TRIM14: variants seen among roughly 807,000 people sequenced by gnomAD.
The protein encoded by TRIM14 is tripartite motif-containing protein 14.
A neutral mutation model predicts 44.5 loss-of-function variants in TRIM14; 28 were observed. That is an observed-to-expected ratio of 0.63 (90% CI 0.47 to 0.86). The LOEUF (loss-of-function observed/expected upper bound fraction) is 0.86. Ranked by LOEUF, TRIM14 falls within the 40% of genes least tolerant of loss-of-function variation. The pLI, the probability that TRIM14 is intolerant of heterozygous loss-of-function variation, is 0.00. For synonymous variants in TRIM14, 299 were observed against 269.2 expected, an observed-to-expected ratio of 1.11 and a Z score of -1.08; for missense variants, 607 against 611.1, an observed-to-expected ratio of 0.99 and a Z score of 0.07.
At chr9:98,061,799 A>C in the TRIM14 span, among the ~76,000 whole-genome samples, 1 of 150,306 alleles carries the variant, frequency 6.7e-6, no homozygotes, top group Non-Finnish European at 1.5e-5. Context: ...AAAATTAATA[A>C]TAATAATAAT....
chr9:98,053,950 T>A, the TRIM14 span, among the ~76,000 whole-genome samples: 1 of 152,094 alleles, frequency 6.6e-6, no homozygotes, highest in Admixed American at 6.5e-5. Context: ...TGAAGCAAAA[T>A]ACACATAACA....
intron 5 of TRIM14, among the ~76,000 whole-genome samples, chr9:98,090,560 CTTTTTTTTTT>C (rs56909266): frequency 8.0e-6 from 1 of 124,278 alleles, no homozygotes; most frequent in Non-Finnish European, 1.6e-5. Context: ...GATTTGTGCA[CTTTTTTTTTT>C]TTTTTTTTTT....
rs753923320 is a variant in TRIM14, at chr9:98,094,988, G to A, written c.579C>T (p.Ser193=). ...ATEQEMQQQM[S]LGELCHPVPL... is the part of the protein sequence containing the mutation. ...GCACGGGATGGCACAGCTCCCCGAG[G>A]CTCATCTGCTGCTGCATCTCCTGCT... The change falls in exon 4 of 6, where the codon AGC becomes AGT. Residue 193 remains serine, a synonymous_variant. Transcript: ENST00000341469. 2 of 1,613,990 alleles carry A rather than the reference G, an allele frequency of 1.2e-6. No individual in the cohort carries two copies. The highest frequency in any genetic ancestry group is 2.7e-5 in the African/African-American group (2 of 74,932).
At chr9:98,076,715 G>A (rs1829607671) in intron 6 of TRIM14, 1 of 547,302 alleles carries the variant, frequency 1.8e-6, no homozygotes, top group African/African-American at 2.0e-5. Flanking sequence ...ACGTTTGTTG[G>A]GCTAATGGAT....
At position 98,100,099 on chromosome 9, in the gene TRIM14, G is replaced by A. The variant is rs373631177; in HGVS notation, c.369C>T (p.Asp123=). The change falls in exon 3 of 6, where the codon GAC becomes GAT. Residue 123 remains aspartate, a synonymous_variant. Transcript: ENST00000341469. ...ATTTCTTGGCCAGCGCTTCCTCTTCGTCAAGTAGTAATCTGAGTTCAGTGA... is the reference window on the plus strand; with the variant it reads ...ATTTCTTGGCCAGCGCTTCCTCTTCATCAAGTAGTAATCTGAGTTCAGTGA... ...GKFTELRLLL[D]EEEALAKKFI... is the part of the protein sequence containing the mutation. 5.3e-5 allele frequency: 86 copies of A among 1,614,034 alleles called. No individual in the cohort carries two copies. The East Asian group carries it at 7.8e-4, about 15-fold the overall frequency.
chr9:98,068,787 C>T (rs1240273234), downstream of TRIM14, among the ~76,000 whole-genome samples: 1 of 150,324 alleles, frequency 6.7e-6, no homozygotes, highest in African/African-American at 2.5e-5. Flanking sequence ...CACCAGTGAA[C>T]TCCAGACTCC....
the TRIM14 span, among the ~76,000 whole-genome samples, chr9:98,040,028 G>A: frequency 6.6e-6 from 1 of 152,092 alleles, no homozygotes; most frequent in African/African-American, 2.4e-5. Flanking sequence ...AGTTTTTGTA[G>A]AGACCAGGTC....
chr9:98,067,278 G>A (rs973803482), downstream of TRIM14, among the ~76,000 whole-genome samples: 2 of 152,172 alleles, frequency 1.3e-5, no homozygotes, highest in African/African-American at 4.8e-5. Flanking sequence ...ATATATGAGT[G>A]GAATTGCTGG....
At chr9:98,109,270 AAGGGGGAGGGAG>A (rs1826748618) in intron 2 of TRIM14, among the ~76,000 whole-genome samples, 2 of 125,982 alleles carry the variant, frequency 1.6e-5, no homozygotes, top group Middle Eastern at 3.8e-3. Context: ...CAGAGGATGA[AAGGGGGAGGGAG>A]CAACAGGATG....
At chr9:98,065,913 C>A (rs1400367164), downstream of TRIM14, among the ~76,000 whole-genome samples, 2 of 152,148 alleles carry the variant, frequency 1.3e-5, no homozygotes, top group East Asian at 3.9e-4. Context: ...TTGCCCCCCA[C>A]CATGATTCTG....
chr9:98,090,938 C>A (rs1825972207), intron 5 of TRIM14, among the ~76,000 whole-genome samples: 1 of 152,122 alleles, frequency 6.6e-6, no homozygotes, highest in South Asian at 2.1e-4. Flanking sequence ...TTCACTGTCC[C>A]CCTCCCAACA....
At chr9:98,092,826 C>T (rs544025105) in intron 4 of TRIM14, among the ~76,000 whole-genome samples, 1 of 152,244 alleles carries the variant, frequency 6.6e-6, no homozygotes, top group Non-Finnish European at 1.5e-5. Context: ...TTCTGTACGT[C>T]GCTTTCCTTT....
rs1825824954 is a variant in TRIM14 at position 98,087,545 on chromosome 9, G to A, written c.1254C>T (p.Arg418=). The change falls in exon 6 of 6, where the codon CGC becomes CGT. Residue 418 remains arginine, a synonymous_variant. Coordinates refer to ENST00000341469, the MANE Select transcript of TRIM14 (RefSeq NM_014788.4). The part of the protein sequence containing the change: ...TGGMSHLHTF[R]ATFQEPLYPA... ...GGTAGAGCGGCTCCTGGAACGTGGCGCGGAAGGTATGCAGGTGGCTCATGC... is the reference window on the plus strand; with the variant it reads ...GGTAGAGCGGCTCCTGGAACGTGGCACGGAAGGTATGCAGGTGGCTCATGC... The A allele has an allele frequency of 6.3e-7, 1 of 1,595,668 alleles. No individual in the cohort carries two copies. Among genetic ancestry groups the A allele is most frequent in the Non-Finnish European group, 8.5e-7 (1 of 1,173,040 alleles).
At chr9:98,083,210 G>A, downstream of TRIM14, 1 of 707,762 alleles carries the variant, frequency 1.4e-6, no homozygotes, top group East Asian at 2.7e-5. Context: ...GCTAGGCCCT[G>A]TGTCAGCCCA....
In TRIM14 at chr9:98,091,911, T is replaced by A; in HGVS notation, c.791A>T (p.Lys264Ile). Residue 264 changes from lysine to isoleucine, a missense_variant and splice_region_variant, in exon 5 of 6, where the codon AAA becomes ATA. By Grantham distance (102) the Lys-to-Ile change is moderately radical. This residue lies in a region of TRIM14 where 356 missense variants were observed against 323.0 expected (regional missense o/e 1.10). Coordinates refer to ENST00000341469, the MANE Select transcript of TRIM14 (RefSeq NM_014788.4). ...ATCCCCACTCCCGGGGGTCTTACAT[T>A]TCAGCAATAGCGATCGCTCTGGTGA... is the stretch of plus-strand genomic sequence containing the variant. ...SPSPERSLLL[K>I]YARTPTLDPD... 1.3e-6 allele frequency: 2 copies of A among 1,591,830 alleles called. No individual in the cohort carries two copies. The highest frequency in any genetic ancestry group is 1.7e-6 in the Non-Finnish European group (2 of 1,166,174).
intron 2 of TRIM14, among the ~76,000 whole-genome samples, chr9:98,107,913 C>T (rs1045437621): frequency 1.3e-5 from 2 of 152,054 alleles, no homozygotes; most frequent in Admixed American, 1.3e-4. Context: ...AATGATCTGC[C>T]TGCCTCAGCC....
At chr9:98,042,484 A>G in the TRIM14 span, among the ~76,000 whole-genome samples, 1 of 152,246 alleles carries the variant, frequency 6.6e-6, no homozygotes, top group Non-Finnish European at 1.5e-5. Context: ...GCACTAAACC[A>G]CTTGATCAAT....
the TRIM14 span, among the ~76,000 whole-genome samples, chr9:98,038,516 T>C: frequency 6.6e-6 from 1 of 152,208 alleles, no homozygotes; most frequent in Non-Finnish European, 1.5e-5. Flanking sequence ...GACAAAGTAC[T>C]ACGTTACTTT....
chr9:98,083,101 G>GT (rs778520343), downstream of TRIM14: 8 of 1,585,906 alleles, frequency 5.0e-6, no homozygotes, highest in Admixed American at 5.1e-5. Context: ...TGCTGATGCT[G>GT]TCAGGTGTGT....
Sources: allele counts gnomAD v4.1 joint callset (sites outside exome capture counted in the v4.1 genomes callset), GRCh38; gene constraint gnomAD v4.1.1; regional missense constraint gnomAD v4.1.1; transcripts MANE v1.5; gene names NCBI Gene and HGNC (gene_info 2026-07-23, HGNC 2026-07-21).